FGF12: variants seen among roughly 807,000 people sequenced by gnomAD.
FGF12 encodes fibroblast growth factor 12, also known as fibroblast growth factor 12B.
FGF12 carries 14 observed loss-of-function variants against 23.6 expected under a neutral mutation model. The ratio of observed to expected loss-of-function variants is 0.59; its 90% CI spans 0.39 to 0.93. FGF12 has a LOEUF of 0.93. Ranked by LOEUF, FGF12 falls within the 40% of genes least tolerant of loss-of-function variation. The pLI, the probability that FGF12 is intolerant of heterozygous loss-of-function variation, is 0.00. For missense variants in FGF12, 175 were observed against 217.8 expected, an observed-to-expected ratio of 0.80 and a Z score of 1.24; for synonymous variants, 62 against 77.3, an observed-to-expected ratio of 0.80 and a Z score of 1.04.
chr3:192,217,485 C>G (rs1280145780), intron 4 of FGF12, among the ~76,000 whole-genome samples: 1 of 152,034 alleles, frequency 6.6e-6, no homozygotes, highest in African/African-American at 2.4e-5. Context: ...GGTAAATGCT[C>G]TTTATTAGAG....
At chr3:192,243,460 G>T (rs1719722746) in intron 4 of FGF12, among the ~76,000 whole-genome samples, 1 of 151,316 alleles carries the variant, frequency 6.6e-6, no homozygotes, top group South Asian at 2.1e-4. Context: ...GTATATTCAA[G>T]GTAGCATTTA....
chr3:192,306,868 T>C lies in FGF12; in HGVS notation c.228+28493A>G, dbSNP rs116388293. On this transcript the variant is annotated intron_variant, in intron 4 of 5. Coordinates refer to ENST00000445105, the MANE Select transcript of FGF12 (RefSeq NM_004113.6). The stretch of plus-strand genomic sequence containing the variant: ...AATTTTCTAATCTCATAAAATGGGG[T>C]TGAACCCAATAATTTATGTTTCCTT... Among the ~76,000 whole-genome samples the C allele has an allele frequency of 5.3e-3, 807 of 152,308 alleles. 3 individuals carry two copies. The highest frequency in any genetic ancestry group is 8.9e-3 in the Non-Finnish European group (606 of 68,028).
chr3:192,471,375 T>C (rs1560121245), intron 2 of FGF12, among the ~76,000 whole-genome samples: 1 of 152,224 alleles, frequency 6.6e-6, no homozygotes, highest in Non-Finnish European at 1.5e-5. Context: ...TTATTTGTAA[T>C]CATAATACTA....
At chr3:192,547,381 A>G (rs1472134616) in intron 2 of FGF12, among the ~76,000 whole-genome samples, 1 of 152,174 alleles carries the variant, frequency 6.6e-6, no homozygotes, top group African/African-American at 2.4e-5. Flanking sequence ...AACTATACAT[A>G]GTTCTCAACT....
At chr3:192,572,705 T>TTACATAC (rs1712695536) in intron 2 of FGF12, among the ~76,000 whole-genome samples, 3 of 152,286 alleles carry the variant, frequency 2.0e-5, no homozygotes, top group East Asian at 3.9e-4. Flanking sequence ...TTTTTAGAAA[T>TTACATAC]TACATACTAA....
At chr3:192,165,969 A>C (rs1167907699) in intron 5 of FGF12, among the ~76,000 whole-genome samples, 3 of 152,218 alleles carry the variant, frequency 2.0e-5, no homozygotes, top group East Asian at 3.9e-4. Flanking sequence ...GTGAGGCTTA[A>C]CAGAGATAAC....
rs142024066 is a variant in FGF12, at chr3:192,642,129, T to G, written c.13+85052A>C. 5.2e-3 allele frequency among the ~76,000 whole-genome samples: 799 copies of G among 152,368 alleles called. 7 individuals carry two copies. The highest frequency in any genetic ancestry group is 0.018 in the African/African-American group (742 of 41,584). ...CAAGGATACCAAATGTCTGAGAATTTTTCCTAATTTCTCAATAGTCGACAC... is the reference window on the plus strand; with the variant it reads ...CAAGGATACCAAATGTCTGAGAATTGTTCCTAATTTCTCAATAGTCGACAC... On this transcript the variant is annotated intron_variant, in intron 2 of 5. Transcript: ENST00000445105.
At chr3:192,356,488 C>G (rs1303885713) in intron 3 of FGF12, among the ~76,000 whole-genome samples, 1 of 150,648 alleles carries the variant, frequency 6.6e-6, no homozygotes, top group African/African-American at 2.5e-5. Context: ...TATTAATACC[C>G]TCCAAACTGC....
intron 2 of FGF12, among the ~76,000 whole-genome samples, chr3:192,454,169 G>C (rs1046341731): frequency 1.3e-5 from 2 of 152,058 alleles, no homozygotes; most frequent in Non-Finnish European, 2.9e-5. Flanking sequence ...CTCCTGAGTA[G>C]CTGGGACTAT....
At chr3:192,432,634 AAAAAAAAAGAAAG>A (rs1179721266) in intron 2 of FGF12, among the ~76,000 whole-genome samples, 1 of 151,290 alleles carries the variant, frequency 6.6e-6, no homozygotes, top group African/African-American at 2.4e-5. Context: ...AAAAAAAAAA[AAAAAAAAAGAAAG>A]AAAGAAAGAA....
chr3:192,493,950 A>G (rs2108828043), intron 2 of FGF12, among the ~76,000 whole-genome samples: 1 of 152,286 alleles, frequency 6.6e-6, no homozygotes, highest in Non-Finnish European at 1.5e-5. Flanking sequence ...TTAGAAGAGA[A>G]CTAGCTATAT....
At chr3:192,679,954 T>C (rs987484421) in intron 2 of FGF12, among the ~76,000 whole-genome samples, 2 of 152,190 alleles carry the variant, frequency 1.3e-5, no homozygotes, top group Admixed American at 6.5e-5. Flanking sequence ...ACCAGGTGTA[T>C]GCCTGATAGT....
intron 2 of FGF12, among the ~76,000 whole-genome samples, chr3:192,526,526 C>T (rs976546546): frequency 6.6e-6 from 1 of 152,036 alleles, no homozygotes; most frequent in African/African-American, 2.4e-5. Flanking sequence ...TACAGTTCCT[C>T]ACCTCAAGCT....
chr3:192,541,229 A>C (rs1430896060), intron 2 of FGF12, among the ~76,000 whole-genome samples: 1 of 152,026 alleles, frequency 6.6e-6, no homozygotes, highest in Non-Finnish European at 1.5e-5. Context: ...TCTTCCTTTT[A>C]GCAAGGGTGA....
At chr3:192,507,909 C>T (rs1275385805) in intron 2 of FGF12, among the ~76,000 whole-genome samples, 3 of 152,340 alleles carry the variant, frequency 2.0e-5, no homozygotes, top group South Asian at 4.1e-4. Flanking sequence ...TATCCACCCA[C>T]AAGTTCCTTA....
chr3:192,600,667 T>G (rs1386946251), intron 2 of FGF12, among the ~76,000 whole-genome samples: 1 of 151,966 alleles, frequency 6.6e-6, no homozygotes, highest in South Asian at 2.1e-4. Context: ...AAAGAAGATA[T>G]GCAAATGGCC....
At chr3:192,324,515 C>T (rs1716717041) in intron 4 of FGF12, among the ~76,000 whole-genome samples, 1 of 152,204 alleles carries the variant, frequency 6.6e-6, no homozygotes, top group South Asian at 2.1e-4. Flanking sequence ...TGCATCTTTC[C>T]ATTTAATCCT....
chr3:192,392,780 T>C (rs564705742), intron 2 of FGF12, among the ~76,000 whole-genome samples: 2 of 152,358 alleles, frequency 1.3e-5, no homozygotes, highest in South Asian at 4.1e-4. Context: ...ACTTCAGTTC[T>C]AGACAGATTA....
At chr3:192,173,000 A>G (rs1191534825) in intron 4 of FGF12, among the ~76,000 whole-genome samples, 4 of 151,006 alleles carry the variant, frequency 2.6e-5, no homozygotes, top group South Asian at 4.2e-4. Flanking sequence ...ACAAGGATGA[A>G]CCTCATACAC....
Sources: allele counts gnomAD v4.1 joint callset (sites outside exome capture counted in the v4.1 genomes callset), GRCh38; gene constraint gnomAD v4.1.1; transcripts MANE v1.5; gene names NCBI Gene and HGNC (gene_info 2026-07-23, HGNC 2026-07-21).